Variants in PLAC1 observed in about 807,000 individuals in gnomAD.
PLAC1 encodes placenta-specific protein 1.
For synonymous variants in PLAC1, 68 were observed against 62.1 expected (o/e 1.09, Z -0.44); for missense variants, 136 against 163.2 (o/e 0.83, Z 0.91).
chrX:134,672,847 T>G (rs1312103711), intron 2 of PLAC1, among the ~76,000 whole-genome samples: 1 of 112,878 alleles, frequency 8.9e-6, no homozygotes, highest in East Asian at 2.8e-4. Context: ...TTTTTCCTCC[T>G]TATTGAATGT....
chrX:134,749,458 G>A (rs1437577593), intron 1 of PLAC1, among the ~76,000 whole-genome samples: 1 of 111,904 alleles, frequency 8.9e-6, no homozygotes, highest in Non-Finnish European at 1.9e-5. Context: ...TCAGGCCACC[G>A]TACTCCAACC....
chrX:134,698,657 A>G (rs992976707), intron 2 of PLAC1, among the ~76,000 whole-genome samples: 3 of 110,851 alleles, frequency 2.7e-5, no homozygotes, highest in Non-Finnish European at 5.7e-5. Flanking sequence ...CTTCTTTTCT[A>G]GTGTCATTAC....
intron 1 of PLAC1, among the ~76,000 whole-genome samples, chrX:134,615,996 T>A (rs1477785283): frequency 9.0e-6 from 1 of 110,582 alleles, no homozygotes; most frequent in African/African-American, 3.3e-5. Flanking sequence ...TAATTTTTTT[T>A]AAGAGACAGG....
In PLAC1 at chrX:134,651,093, GA is replaced by G. The variant is rs2078360165; in HGVS notation, c.-131+7234del. On this transcript the variant is annotated intron_variant, in intron 1 of 2. Transcript: ENST00000359237. ...ATGTGAATTGGAGAAAAAGTTCAGT[GA>G]GAAGCATGTTGTCTTTATTGCTCAG... 2.9e-5 allele frequency: 8 copies of G among 280,654 alleles called. No homozygotes were observed. The South Asian group carries it at 3.6e-4, about 13-fold the overall frequency. The allele number at this position is 280,654 out of a possible 1,213,427, so 23.1% of individuals were successfully genotyped here.
At chrX:134,713,826 C>A (rs1456648147) in intron 2 of PLAC1, among the ~76,000 whole-genome samples, 1 of 111,755 alleles carries the variant, frequency 8.9e-6, no homozygotes, top group Non-Finnish European at 1.9e-5. Flanking sequence ...TGTGTCTACA[C>A]GGCCAGGGTC....
chrX:134,588,852 G>C, intron 2 of PLAC1, among the ~76,000 whole-genome samples: 1 of 111,473 alleles, frequency 9.0e-6, no homozygotes, highest in Non-Finnish European at 1.9e-5. Flanking sequence ...GTGGCCATGA[G>C]GAGAGCACTG....
chrX:134,704,527 A>T (rs1297183021), intron 2 of PLAC1, among the ~76,000 whole-genome samples: 1 of 105,962 alleles, frequency 9.4e-6, no homozygotes. Flanking sequence ...CAACAAAAAA[A>T]AATAAAACAT....
intron 2 of PLAC1, among the ~76,000 whole-genome samples, chrX:134,703,194 T>C (rs773659836): frequency 3.6e-5 from 4 of 111,702 alleles, no homozygotes; most frequent in Non-Finnish European, 7.5e-5. Context: ...GGAACTCAGA[T>C]TGAAGAAGCC....
intron 1 of PLAC1, among the ~76,000 whole-genome samples, chrX:134,626,409 T>C (rs2078237277): frequency 8.9e-6 from 1 of 112,550 alleles, no homozygotes; most frequent in Non-Finnish European, 1.9e-5. Flanking sequence ...ATTTGTCAAG[T>C]GAATGAATAA....
chrX:134,736,431 T>C (rs1268526331), intron 1 of PLAC1, among the ~76,000 whole-genome samples: 1 of 110,683 alleles, frequency 9.0e-6, no homozygotes, highest in African/African-American at 3.3e-5. Context: ...TCTAGACTGA[T>C]CCAGGAAAGA....
At position 134,583,976 on chromosome X, in the gene PLAC1, A is replaced by G. The variant is rs180755849; in HGVS notation, c.-58-17236T>C. 4.8e-3 allele frequency among the ~76,000 whole-genome samples: 524 copies of G among 108,588 alleles called. 1 individual carries two copies. Among genetic ancestry groups the G allele is most frequent in the African/African-American group, 0.016 (474 of 29,759 alleles). The allele number at this position is 108,588 out of a possible 115,157, so 94.3% of individuals were successfully genotyped here. ...GCTAGCCCAGGCCCATGCCTGAAAT[A>G]GGTGTTTGGTAAATACTTGAGGAAT... On this transcript the variant is annotated intron_variant, in intron 2 of 2. Coordinates refer to ENST00000359237, the MANE Select transcript of PLAC1 (RefSeq NM_021796.4).
At chrX:134,695,058 C>A (rs770544977) in intron 2 of PLAC1, among the ~76,000 whole-genome samples, 13 of 111,912 alleles carry the variant, frequency 1.2e-4, no homozygotes, top group Non-Finnish European at 1.9e-4. Flanking sequence ...TGACCTGGAG[C>A]AATTACACTG....
At chrX:134,683,480 T>C (rs1479531020) in intron 2 of PLAC1, among the ~76,000 whole-genome samples, 1 of 111,952 alleles carries the variant, frequency 8.9e-6, no homozygotes, top group Non-Finnish European at 1.9e-5. Flanking sequence ...GGCACAAAGA[T>C]CTGAGTGTCA....
At chrX:134,756,599 C>T (rs1379484075) in intron 1 of PLAC1, among the ~76,000 whole-genome samples, 2 of 110,528 alleles carry the variant, frequency 1.8e-5, no homozygotes, top group Non-Finnish European at 3.8e-5. Context: ...CCTGTAATCC[C>T]AGCACTTTGG....
intron 2 of PLAC1, among the ~76,000 whole-genome samples, chrX:134,673,287 A>AGAAG (rs1349870358): frequency 2.0e-5 from 2 of 97,889 alleles, no homozygotes; most frequent in Non-Finnish European, 4.2e-5. Context: ...GAGGAAGGGA[A>AGAAG]GAAGGAAGGA....
chrX:134,593,120 C>CT (rs1199426987), intron 2 of PLAC1, among the ~76,000 whole-genome samples: 1 of 111,812 alleles, frequency 8.9e-6, no homozygotes, highest in Non-Finnish European at 1.9e-5. Context: ...CTACAAGGTT[C>CT]TTTTTTCTCT....
intron 1 of PLAC1, among the ~76,000 whole-genome samples, chrX:134,603,597 G>T (rs1407937439): frequency 9.3e-6 from 1 of 107,512 alleles, no homozygotes; most frequent in Non-Finnish European, 1.9e-5. Flanking sequence ...GCCTCCCAAA[G>T]TGCTGGGATT....
At chrX:134,586,039 T>C (rs2077998619) in intron 2 of PLAC1, among the ~76,000 whole-genome samples, 1 of 112,349 alleles carries the variant, frequency 8.9e-6, no homozygotes, top group Non-Finnish European at 1.9e-5. Flanking sequence ...TCATTTAAAA[T>C]GTAAAATGTC....
At position 134,692,588 on chromosome X, in the gene PLAC1, C is replaced by G. The variant is rs6638285; in HGVS notation, n.174+40847G>C. Among the ~76,000 whole-genome samples the G allele has an allele frequency of 3.2e-3, 357 of 112,047 alleles. 1 individual carries two copies. Among genetic ancestry groups the G allele is most frequent in the African/African-American group, 0.011 (340 of 30,876 alleles). Reference sequence around the variant, plus strand: ...CAGGAATGAGCCTATGACCTATAACCCTGTCCACCTTTCGTTTTACTACAT... The same window carrying G: ...CAGGAATGAGCCTATGACCTATAACGCTGTCCACCTTTCGTTTTACTACAT... On this transcript the variant is annotated intron_variant and non_coding_transcript_variant, in intron 2 of 2. Transcript: ENST00000466797.
Sources: gnomAD v4.1 joint callset for allele counts (sites outside exome capture counted in the v4.1 genomes callset) on GRCh38, gnomAD v4.1.1 for gene constraint, MANE v1.5 for transcripts, NCBI Gene and HGNC (gene_info 2026-07-23, HGNC 2026-07-21) for gene names.